The following FOCAD variants were observed in gnomAD, a reference collection of about 807,000 sequenced individuals.
The protein encoded by FOCAD is focadhesin.
A neutral mutation model predicts 225.6 loss-of-function variants in FOCAD; 198 were observed. The ratio of observed to expected loss-of-function variants is 0.88; its 90% confidence interval spans 0.78 to 0.99. The LOEUF (loss-of-function observed/expected upper bound fraction) is 0.99. Ranked by LOEUF, FOCAD falls within the 50% of genes least tolerant of loss-of-function variation. The probability of loss-of-function intolerance (pLI) is 0.00; values close to 1 mark genes in which losing one functional copy is unlikely to be tolerated. For synonymous variants in FOCAD, 897 were observed against 755.0 expected, an observed-to-expected ratio of 1.19 and a Z score of -3.08; for missense variants, 2,713 against 2,123.6, an observed-to-expected ratio of 1.28 and a Z score of -5.46.
At chr9:20,708,089 G>A (rs1156840881) in intron 1 of FOCAD, among the ~76,000 whole-genome samples, 1 of 152,146 alleles carries the variant, frequency 6.6e-6, no homozygotes, top group Non-Finnish European at 1.5e-5. Flanking sequence ...GAGGGACAGG[G>A]TCAGTCAGTT....
Position 20,773,516 on chromosome 9 carries a change from C to T in FOCAD, c.906+3278C>T, listed in dbSNP as rs78810221. ...TAGATCAAAACATAGAACTTTGAAA[C>T]CATCACACAGCTCAAGAAATAGAGG... On this transcript the variant is annotated intron_variant, in intron 8 of 43. Transcript: ENST00000338382. Among the ~76,000 whole-genome samples, 335 of 152,274 alleles carry T rather than the reference C, an allele frequency of 2.2e-3. 1 individual carries two copies. The highest frequency in any genetic ancestry group is 7.4e-3 in the African/African-American group (307 of 41,556).
intron 1 of FOCAD, among the ~76,000 whole-genome samples, chr9:20,706,143 C>T (rs1325276843): frequency 6.6e-6 from 1 of 151,914 alleles, no homozygotes; most frequent in Admixed American, 6.6e-5. Context: ...TTATGTTGCC[C>T]AGGCTGGTCT....
chr9:20,705,924 G>GTTTTT (rs59407171), intron 1 of FOCAD, among the ~76,000 whole-genome samples: 6 of 106,914 alleles, frequency 5.6e-5, no homozygotes, highest in African/African-American at 1.4e-4. Flanking sequence ...TCAGTTTTAA[G>GTTTTT]TTTTTTTTTT....
At chr9:20,703,426 A>G (rs1824130873) in intron 1 of FOCAD, among the ~76,000 whole-genome samples, 1 of 152,112 alleles carries the variant, frequency 6.6e-6, no homozygotes, top group African/African-American at 2.4e-5. Flanking sequence ...TGGCCTTCCT[A>G]TAGAGTTGCA....
chr9:20,796,531 A>G (rs1231747175), intron 11 of FOCAD, among the ~76,000 whole-genome samples: 3 of 152,080 alleles, frequency 2.0e-5, no homozygotes, highest in Non-Finnish European at 2.9e-5. Context: ...ATGGTATCTT[A>G]TTGTGGTTTT....
At chr9:20,801,729 A>C (rs1035526378) in intron 11 of FOCAD, among the ~76,000 whole-genome samples, 1 of 151,990 alleles carries the variant, frequency 6.6e-6, no homozygotes, top group Non-Finnish European at 1.5e-5. Flanking sequence ...GTACTTTTCT[A>C]TTGTATTTCA....
chr9:20,687,794 C>G (rs768185699), intron 1 of FOCAD, among the ~76,000 whole-genome samples: 5 of 152,156 alleles, frequency 3.3e-5, no homozygotes, highest in Non-Finnish European at 7.3e-5. Context: ...ATTGCATGGA[C>G]TTCATAAACA....
At chr9:20,693,429 TC>T (rs1157282353) in intron 1 of FOCAD, among the ~76,000 whole-genome samples, 1 of 152,222 alleles carries the variant, frequency 6.6e-6, no homozygotes, top group African/African-American at 2.4e-5. Flanking sequence ...ATAGCACTTA[TC>T]TTCAGAAATG....
chr9:20,903,939 C>T (rs189191376), intron 21 of FOCAD, among the ~76,000 whole-genome samples: 5 of 151,940 alleles, frequency 3.3e-5, no homozygotes, highest in East Asian at 1.9e-4. Flanking sequence ...CCCTCTCCCC[C>T]GGCAGCTACT....
intron 8 of FOCAD, among the ~76,000 whole-genome samples, chr9:20,778,443 A>G (rs1414547424): frequency 6.6e-6 from 1 of 152,054 alleles, no homozygotes; most frequent in Non-Finnish European, 1.5e-5. Flanking sequence ...GCTGGTCTCG[A>G]ACTTCTGACC....
chr9:20,955,902 A>T (rs1195752817), intron 35 of FOCAD, among the ~76,000 whole-genome samples: 2 of 150,920 alleles, frequency 1.3e-5, no homozygotes, highest in Admixed American at 6.7e-5. Context: ...TCTAATGCTA[A>T]TATTAGATAT....
chr9:20,994,965 A>G (rs532033405), intron 43 of FOCAD, among the ~76,000 whole-genome samples: 1 of 84,636 alleles, frequency 1.2e-5, no homozygotes, highest in Admixed American at 1.3e-4. Flanking sequence ...ATTTGTATTA[A>G]TATTCTAAAA....
intron 11 of FOCAD, among the ~76,000 whole-genome samples, chr9:20,815,354 C>T (rs1431376295): frequency 1.3e-5 from 2 of 149,950 alleles, no homozygotes; most frequent in African/African-American, 2.5e-5. Context: ...CATGTTGGCC[C>T]AACTGGTCTC....
chr9:20,977,762 A>T (rs1404352214), intron 36 of FOCAD, among the ~76,000 whole-genome samples: 5 of 152,264 alleles, frequency 3.3e-5, no homozygotes, highest in African/African-American at 1.2e-4. Flanking sequence ...TATATAAGAT[A>T]TAATGTCACC....
chr9:20,879,175 T>A lies in FOCAD; in HGVS notation c.2318-2696T>A, dbSNP rs184310967. On this transcript the variant is annotated intron_variant, in intron 19 of 43. Transcript: ENST00000338382. ...CTTAAGTTCACAAGTTCACCCCTTG[T>A]CAACTGGCACCCATACACATCTCCT... Among the ~76,000 whole-genome samples the A allele has an allele frequency of 3.8e-3, 574 of 152,278 alleles. 6 individuals are homozygous for A. The highest frequency in any genetic ancestry group is 0.013 in the African/African-American group (556 of 41,560).
intron 4 of FOCAD, among the ~76,000 whole-genome samples, chr9:20,731,331 A>G (rs1196776785): frequency 6.6e-6 from 1 of 152,200 alleles, no homozygotes; most frequent in African/African-American, 2.4e-5. Flanking sequence ...ATATAAGGAT[A>G]TTACATGAAT....
intron 4 of FOCAD, among the ~76,000 whole-genome samples, chr9:20,725,472 C>G (rs1826121537): frequency 6.6e-6 from 1 of 152,180 alleles, no homozygotes; most frequent in Non-Finnish European, 1.5e-5. Context: ...TAGTGAGAAA[C>G]AGCCTTCTAT....
chr9:20,679,717 C>G (rs1822343371), upstream of FOCAD, among the ~76,000 whole-genome samples: 1 of 152,192 alleles, frequency 6.6e-6, no homozygotes, highest in Non-Finnish European at 1.5e-5. Flanking sequence ...GAAATACTAT[C>G]TGCCTGCCTA....
chr9:20,911,473 C>T (rs757007215), intron 22 of FOCAD, among the ~76,000 whole-genome samples: 4 of 152,052 alleles, frequency 2.6e-5, no homozygotes, highest in Non-Finnish European at 2.9e-5. Context: ...CCTCTTACTC[C>T]ATGAGATTAT....
Sources: allele counts gnomAD v4.1 joint callset (sites outside exome capture counted in the v4.1 genomes callset), GRCh38; gene constraint gnomAD v4.1.1; transcripts MANE v1.5; gene names NCBI Gene and HGNC (gene_info 2026-07-23, HGNC 2026-07-21).